PDZD2: variants seen among roughly 807,000 people sequenced by gnomAD.
PDZD2 encodes PDZ domain containing 2, also known as PDZ domain-containing protein 2.
Under a neutral mutation model 220.7 loss-of-function variants are expected in PDZD2, and 90 were observed. The ratio of observed to expected loss-of-function variants is 0.41; its 90% CI spans 0.34 to 0.49. The LOEUF (loss-of-function observed/expected upper bound fraction) is 0.49, where lower values mean the gene tolerates loss of function less well. Ranked by LOEUF, PDZD2 falls within the 20% of genes least tolerant of loss-of-function variation. The pLI, the probability that PDZD2 is intolerant of heterozygous loss-of-function variation, is 0.28. For synonymous variants in PDZD2, 1,375 were observed against 1,450.5 expected (o/e 0.95, Z 1.18); for missense variants, 3,174 against 3,608.5 (o/e 0.88, Z 3.08).
At chr5:31,657,610 C>T (rs1047012120) in intron 1 of PDZD2, among the ~76,000 whole-genome samples, 2 of 152,110 alleles carry the variant, frequency 1.3e-5, no homozygotes, top group African/African-American at 4.8e-5. Flanking sequence ...GCACTTGAAT[C>T]TGAAAAAAAC....
intron 1 of PDZD2, among the ~76,000 whole-genome samples, chr5:31,688,036 C>CT (rs552982933): frequency 5.1e-4 from 77 of 152,214 alleles, no homozygotes; most frequent in Non-Finnish European, 8.5e-4. Flanking sequence ...TAGAACTCAG[C>CT]TTTTTTTGAA....
chr5:31,956,481 A>G (rs1747698048), intron 2 of PDZD2, among the ~76,000 whole-genome samples: 1 of 148,968 alleles, frequency 6.7e-6, no homozygotes, highest in Admixed American at 6.7e-5. Flanking sequence ...CGGGAGACAG[A>G]GCTTGCAGCG....
intron 2 of PDZD2, among the ~76,000 whole-genome samples, chr5:31,981,140 C>A (rs1309020680): frequency 6.6e-6 from 1 of 152,082 alleles, no homozygotes; most frequent in South Asian, 2.1e-4. Context: ...GGTGACCTGG[C>A]GTCTGTACAG....
intron 2 of PDZD2, among the ~76,000 whole-genome samples, chr5:31,922,613 C>T (rs921549354): frequency 6.6e-6 from 1 of 152,124 alleles, no homozygotes; most frequent in Non-Finnish European, 1.5e-5. Flanking sequence ...TGATTAGCCA[C>T]GGTAACTACT....
intron 2 of PDZD2, among the ~76,000 whole-genome samples, chr5:31,910,826 A>G (rs565730166): frequency 6.6e-6 from 1 of 152,202 alleles, no homozygotes; most frequent in Non-Finnish European, 1.5e-5. Context: ...CACCACGCCC[A>G]GCCAGTTCCT....
rs1275509675 is a variant in PDZD2 at position 31,639,606 on chromosome 5, C to G, written c.-361+169C>G. Among the ~76,000 whole-genome samples, 1 of 152,124 alleles carries G rather than the reference C, an allele frequency of 6.6e-6. No homozygotes were observed. The highest frequency in any genetic ancestry group is 1.5e-5 in the Non-Finnish European group (1 of 68,000). ...GGGAGTGAGGACGCCGAACCGGGGT[C>G]CCACGTTGGGCGGCGCAAACTCCTC... On this transcript the variant is annotated intron_variant, in intron 1 of 24. Coordinates refer to ENST00000438447, the MANE Select transcript of PDZD2 (RefSeq NM_178140.4). The surrounding 1 kb of genome is among the most constrained non-coding windows in gnomAD (Gnocchi z 4.1).
At chr5:31,885,246 T>TA (rs34083524) in intron 2 of PDZD2, among the ~76,000 whole-genome samples, 151 of 151,836 alleles carry the variant, frequency 9.9e-4, no homozygotes, top group African/African-American at 3.6e-3. Context: ...TTTTTTTTTT[T>TA]AATACTACTC....
At chr5:31,935,063 G>A (rs1745602163) in intron 2 of PDZD2, among the ~76,000 whole-genome samples, 1 of 148,418 alleles carries the variant, frequency 6.7e-6, no homozygotes, top group African/African-American at 2.5e-5. Context: ...ACTCCCACCT[G>A]GGCAACAGAG....
At chr5:31,903,154 C>T (rs1056828320) in intron 2 of PDZD2, among the ~76,000 whole-genome samples, 3 of 151,434 alleles carry the variant, frequency 2.0e-5, no homozygotes, top group Non-Finnish European at 2.9e-5. Context: ...ATTAGCCGGG[C>T]GTGGTACTGC....
At chr5:31,902,019 G>A (rs1276177910) in intron 2 of PDZD2, among the ~76,000 whole-genome samples, 1 of 152,118 alleles carries the variant, frequency 6.6e-6, no homozygotes, top group African/African-American at 2.4e-5. Flanking sequence ...TCACATTTTG[G>A]CTATCGTAAA....
At chr5:31,767,737 G>C (rs900338980) in intron 1 of PDZD2, among the ~76,000 whole-genome samples, 1 of 152,158 alleles carries the variant, frequency 6.6e-6, no homozygotes, top group Admixed American at 6.5e-5. Flanking sequence ...CAATTGCCCA[G>C]GCCCCTCAGT....
Position 31,682,671 on chromosome 5 carries a change from CTG to C in PDZD2, c.-361+43282_-361+43283del, listed in dbSNP as rs70955735. ...AACTAGCGCATTCTCAGTCTTTCGG[CTG>C]TGTGTGTGTGTGTGTGTGTGTGTGT... On this transcript the variant is annotated intron_variant, in intron 1 of 24. Coordinates refer to ENST00000438447, the MANE Select transcript of PDZD2 (RefSeq NM_178140.4). 4.8e-3 allele frequency among the ~76,000 whole-genome samples: 701 copies of C among 146,314 alleles called. 6 individuals carry two copies. The highest frequency in any genetic ancestry group is 0.016 in the African/African-American group (642 of 38,998).
At chr5:31,823,328 T>C (rs1756019426) in intron 2 of PDZD2, among the ~76,000 whole-genome samples, 1 of 151,852 alleles carries the variant, frequency 6.6e-6, no homozygotes, top group African/African-American at 2.4e-5. Flanking sequence ...ATTAGCTTGG[T>C]ATGGTGGCGT....
At chr5:31,732,592 C>T (rs1427181884) in intron 1 of PDZD2, among the ~76,000 whole-genome samples, 1 of 152,196 alleles carries the variant, frequency 6.6e-6, no homozygotes, top group East Asian at 1.9e-4. Context: ...TGGTTTACTG[C>T]AGATGCTTGA....
At position 31,721,265 on chromosome 5, in the gene PDZD2, T is replaced by G. The variant is rs542062915; in HGVS notation, c.-360-77624T>G. 5.3e-5 allele frequency among the ~76,000 whole-genome samples: 8 copies of G among 152,098 alleles called. No homozygotes were observed. The South Asian group carries it at 1.2e-3, about 24-fold the overall frequency. ...TGCCTCCACAGTGAGTATGCCAGAT[T>G]AGGAAAATGGAAACAGATGAAGCCA... On this transcript the variant is annotated intron_variant, in intron 1 of 24. Transcript: ENST00000438447.
intron 24 of PDZD2, among the ~76,000 whole-genome samples, chr5:32,102,752 G>T (rs114595346): frequency 6.6e-6 from 1 of 152,014 alleles, no homozygotes; most frequent in Admixed American, 6.6e-5. Context: ...AAACAGGACC[G>T]AAGAGGGTAT....
intron 2 of PDZD2, among the ~76,000 whole-genome samples, chr5:31,878,555 C>CTTGTTTTGTTTTTTTTTTTT (rs1739531670): frequency 2.1e-5 from 1 of 48,198 alleles, no homozygotes; most frequent in Non-Finnish European, 3.7e-5. Context: ...ATGACCTCGG[C>CTTGTTTTGTTTTTTTTTTTT]TTTTTTTTTT....
chr5:31,899,669 A>G (rs1741907020), intron 2 of PDZD2, among the ~76,000 whole-genome samples: 2 of 152,196 alleles, frequency 1.3e-5, no homozygotes, highest in African/African-American at 4.8e-5. Flanking sequence ...CCCCTAATTC[A>G]TATGTTGAAA....
At chr5:31,680,883 C>G (rs1746624063) in intron 1 of PDZD2, among the ~76,000 whole-genome samples, 1 of 152,164 alleles carries the variant, frequency 6.6e-6, no homozygotes, top group African/African-American at 2.4e-5. Flanking sequence ...GCCTGCCCCA[C>G]AGCAACGGCC....
Sources: gnomAD v4.1 joint callset for allele counts (sites outside exome capture counted in the v4.1 genomes callset) on GRCh38, gnomAD v4.1.1 for gene constraint, Gnocchi (gnomAD v3.1) non-coding constraint, MANE v1.5 for transcripts, NCBI Gene and HGNC (gene_info 2026-07-23, HGNC 2026-07-21) for gene names.